Variants in BTBD2 observed in about 807,000 individuals in gnomAD.
BTBD2 encodes BTB domain containing 2.
BTBD2 carries 15 observed loss-of-function variants against 44.0 expected under a neutral mutation model. The ratio of observed to expected loss-of-function variants is 0.34; its 90% CI spans 0.23 to 0.53. The LOEUF (loss-of-function observed/expected upper bound fraction) is 0.53. BTBD2 is among the 20% of genes least tolerant of loss of function. The probability of loss-of-function intolerance (pLI) is 0.95; values close to 1 mark genes in which losing one functional copy is unlikely to be tolerated. For synonymous variants in BTBD2, 443 were observed against 335.9 expected, an observed-to-expected ratio of 1.32 and a Z score of -3.49; for missense variants, 657 against 746.4, an observed-to-expected ratio of 0.88 and a Z score of 1.39.
Position 1,985,881 on chromosome 19 carries a change from C to G in BTBD2, c.*607G>C, listed in dbSNP as rs2016071276. 1 of 153,330 alleles carries G rather than the reference C, an allele frequency of 6.5e-6. No individual in the cohort carries two copies. Among genetic ancestry groups the G allele is most frequent in the South Asian group, 2.0e-4 (1 of 4,882 alleles). The allele number at this position is 153,330 out of a possible 1,614,324, so 9.5% of individuals were successfully genotyped here. On this transcript the variant is annotated 3_prime_UTR_variant, in exon 9 of 9. Transcript: ENST00000255608. ...CCACCTGGGCCAGGGCTAGGCCTAT[C>G]CGGCAGGGGCCGTCCCCACACTGAA... is the stretch of plus-strand genomic sequence containing the variant.
chr19:2,012,213 C>A (rs373370663), intron 1 of BTBD2, among the ~76,000 whole-genome samples: 1 of 150,072 alleles, frequency 6.7e-6, no homozygotes, highest in African/African-American at 2.5e-5. Flanking sequence ...AGTGCAATGG[C>A]GCAATCTCGG....
At chr19:2,000,584 C>T (rs550524771) in intron 1 of BTBD2, among the ~76,000 whole-genome samples, 2 of 152,322 alleles carry the variant, frequency 1.3e-5, no homozygotes, top group South Asian at 4.1e-4. Flanking sequence ...GAGACACCTG[C>T]ATGGGCCTTC....
intron 2 of BTBD2, 90 bp from the exon 3 acceptor site, chr19:1,993,266 C>A: frequency 6.9e-7 from 1 of 1,451,348 alleles, no homozygotes; most frequent in Non-Finnish European, 9.1e-7. Flanking sequence ...CCGTTAGACT[C>A]GGCCACCGGC....
chr19:2,014,977 A>G lies in BTBD2; in HGVS notation c.407+320T>C, dbSNP rs565322273. Among the ~76,000 whole-genome samples, 17 of 146,042 alleles carry G rather than the reference A, an allele frequency of 1.2e-4. No homozygotes were observed. In the East Asian group the frequency reaches 3.4e-3, roughly 29 times the overall value. ...GCAGGGACAGAGGGGTGCAGAGCCC[A>G]GGGAACTGGGTGGAGTCTAGGGATG... On this transcript the variant is annotated intron_variant, in intron 1 of 8. Transcript: ENST00000255608.
chr19:1,999,876 T>C (rs1251810746), intron 1 of BTBD2, among the ~76,000 whole-genome samples: 10 of 150,792 alleles, frequency 6.6e-5, no homozygotes, highest in Non-Finnish European at 1.3e-4. Context: ...GCAGGAGAAT[T>C]GCTTGAACCC....
chr19:2,010,291 TTCAATGCACAA>T (rs1360265920), intron 1 of BTBD2, among the ~76,000 whole-genome samples: 1 of 152,202 alleles, frequency 6.6e-6, no homozygotes, highest in Admixed American at 6.5e-5. Context: ...CCACAGATCA[TTCAATGCACAA>T]TCACTGCGTG....
At chr19:1,986,767 C>T (rs954228663) in intron 8 of BTBD2, 63 bp downstream of exon 8, 3 of 1,570,654 alleles carry the variant, frequency 1.9e-6, no homozygotes, top group South Asian at 1.2e-5. Context: ...GTGTGCTGTG[C>T]CCCGGTGGCT....
At chr19:1,987,426 G>T (rs1328968972) in intron 6 of BTBD2, 74 bp downstream of exon 6, 26 of 1,086,444 alleles carry the variant, frequency 2.4e-5, no homozygotes, top group Non-Finnish European at 3.1e-5. Flanking sequence ...CCCCATGCCC[G>T]GCCCCCCATC....
In BTBD2 at chr19:1,990,672, CGAGGCCCCGCT is replaced by C. The variant is rs1389847210; in HGVS notation, c.790+34_790+44del. ...ACTGTCAATCCCCGGACCCTCCCGC[CGAGGCCCCGCT>C]GGGATTCCCACACCTGGGCTCCTGG... On this transcript the variant is annotated intron_variant, in intron 4 of 8. Transcript: ENST00000255608. 12 of 1,460,126 alleles carry C rather than the reference CGAGGCCCCGCT, an allele frequency of 8.2e-6. No homozygotes were observed. In the Admixed American group the frequency reaches 2.2e-4, roughly 26 times the overall value. 90.4% of individuals were successfully genotyped at this position (1,460,126 alleles called of 1,614,324 possible).
chr19:2,008,909 G>A (rs372858757), intron 1 of BTBD2, among the ~76,000 whole-genome samples: 11 of 152,042 alleles, frequency 7.2e-5, no homozygotes, highest in African/African-American at 2.7e-4. Context: ...GGAAGAATTT[G>A]GTGAGCAGTT....
At chr19:2,007,539 G>C (rs1014640548) in intron 1 of BTBD2, among the ~76,000 whole-genome samples, 2 of 152,204 alleles carry the variant, frequency 1.3e-5, no homozygotes, top group African/African-American at 4.8e-5. Context: ...GGCTTCAAAA[G>C]ATCTTCCCGC....
At position 1,986,925 on chromosome 19, in the gene BTBD2, T is replaced by G. The variant is rs2016093573; in HGVS notation, c.1321A>C (p.Ser441Arg). The G allele has an allele frequency of 6.2e-7, 1 of 1,613,324 alleles. No individual in the cohort carries two copies. The highest frequency in any genetic ancestry group is 2.2e-5 in the East Asian group (1 of 44,874). The change falls in exon 8 of 9, where the codon AGC becomes CGC. Residue 441 changes from serine (S) to arginine (R), a missense_variant. Coordinates refer to ENST00000255608, the MANE Select transcript of BTBD2 (RefSeq NM_017797.4). ...TVLGQNDTGF[S>R]CDGSASTFRV... ...AAGGTGCTGGCTGAGCCGTCGCAGC[T>G]GAAGCCCGTGTCGTTCTGGCCCAAG...
At chr19:2,010,098 G>C (rs1461141376) in intron 1 of BTBD2, among the ~76,000 whole-genome samples, 9 of 152,204 alleles carry the variant, frequency 5.9e-5, no homozygotes, top group Admixed American at 3.9e-4. Flanking sequence ...CTTGCAGTGA[G>C]CGGAGATCGC....
In BTBD2 at chr19:1,992,982, G is replaced by A. The variant is rs113241576; in HGVS notation, c.684+38C>T. On this transcript the variant is annotated intron_variant, in intron 3 of 8. Transcript: ENST00000255608. ...CCACCCCGGCCCCGCCTCCAGCCAG[G>A]CCTGGCCCCGCCCCCGCCTCGTACC... The A allele has an allele frequency of 4.5e-4, 540 of 1,191,228 alleles. 6 individuals carry two copies. The African/African-American group carries it at 5.8e-3, about 13-fold the overall frequency. 73.8% of individuals were successfully genotyped at this position (1,191,228 alleles called of 1,614,324 possible). A position where few individuals can be genotyped will look rare whatever the true frequency, so the allele number is the denominator to read the frequency against.
chr19:1,997,324 G>C lies in BTBD2; in HGVS notation c.527+20C>G. 2 of 1,613,954 alleles carry C rather than the reference G, an allele frequency of 1.2e-6. No homozygotes were observed. Among genetic ancestry groups the C allele is most frequent in the Non-Finnish European group, 1.7e-6 (2 of 1,179,944 alleles). ...CTCCCCAGGCCCAGCTCCCCAGCAG[G>C]AAGCATCCGGAAGCATTACTTGAGC... On this transcript the variant is annotated intron_variant, in intron 2 of 8. Transcript: ENST00000255608.
chr19:2,013,027 A>G (rs2016486914), intron 1 of BTBD2, among the ~76,000 whole-genome samples: 3 of 152,190 alleles, frequency 2.0e-5, no homozygotes, highest in African/African-American at 7.2e-5. Context: ...CCAGCAGCTA[A>G]GGACGACAGA....
chr19:1,993,221 C>A, intron 2 of BTBD2, 45 bp from the exon 3 acceptor site: 5 of 1,570,804 alleles, frequency 3.2e-6, no homozygotes, highest in Non-Finnish European at 4.3e-6. Context: ...CCGCCATGCC[C>A]GCCCCCAGGG....
Position 1,986,665 on chromosome 19 carries a change from G to T in BTBD2, c.1417-16C>A. On this transcript the variant is annotated splice_polypyrimidine_tract_variant and intron_variant, in intron 8 of 8. Coordinates refer to ENST00000255608, the MANE Select transcript of BTBD2 (RefSeq NM_017797.4). ...AGTCTGGGCCCTGTAGGGAATAGGGGTACAGTGAGGTCAAGGACCACCAGG... is the reference window on the plus strand; with the variant it reads ...AGTCTGGGCCCTGTAGGGAATAGGGTTACAGTGAGGTCAAGGACCACCAGG... The T allele has an allele frequency of 1.9e-6, 3 of 1,611,834 alleles. No individual in the cohort carries two copies. The highest frequency in any genetic ancestry group is 2.5e-6 in the Non-Finnish European group (3 of 1,178,458).
Position 2,002,015 on chromosome 19 carries a change from A to C in BTBD2, c.408-4552T>G, listed in dbSNP as rs1467932436. Among the ~76,000 whole-genome samples, 3 of 152,182 alleles carry C rather than the reference A, an allele frequency of 2.0e-5. No homozygotes were observed. The East Asian group carries it at 5.8e-4, about 29-fold the overall frequency. ...CTCCGTCTCCCAAAGTGCTGGGATT[A>C]CAGGTGTGAGCCCCCACGCCTGGAA... On this transcript the variant is annotated intron_variant, in intron 1 of 8. Coordinates refer to ENST00000255608, the MANE Select transcript of BTBD2 (RefSeq NM_017797.4).
Sources: allele counts gnomAD v4.1 joint callset (sites outside exome capture counted in the v4.1 genomes callset), GRCh38; gene constraint gnomAD v4.1.1; transcripts MANE v1.5; gene names NCBI Gene and HGNC (gene_info 2026-07-23, HGNC 2026-07-21).